The following UBAP1 variants were observed in gnomAD, a reference collection of about 807,000 sequenced individuals.
UBAP1 encodes ubiquitin-associated protein 1.
UBAP1 carries 5 observed loss-of-function variants against 39.0 expected under a neutral mutation model. The observed-to-expected ratio is 0.13, with a 90% confidence interval of 0.07 to 0.27. UBAP1 has a LOEUF of 0.27. Among genes scored for constraint, UBAP1 ranks in the 10% least tolerant of loss-of-function variants. The probability of loss-of-function intolerance (pLI) is 1.00; values close to 1 mark genes in which losing one functional copy is unlikely to be tolerated. For synonymous variants in UBAP1, 211 were observed against 225.1 expected, an observed-to-expected ratio of 0.94 and a Z score of 0.56; for missense variants, 490 against 608.1, an observed-to-expected ratio of 0.81 and a Z score of 2.04.
intron 1 of UBAP1, among the ~76,000 whole-genome samples, chr9:34,203,975 C>T (rs762170957): frequency 6.6e-6 from 1 of 152,204 alleles, no homozygotes; most frequent in Non-Finnish European, 1.5e-5. Flanking sequence ...TTTGCAATTA[C>T]TTATTTCAGG....
Position 34,250,742 on chromosome 9 carries a change from C to G in UBAP1, c.1351C>G (p.Gln451Glu). Reference sequence around the variant, plus strand: ...AGTGGAAGAGGCTCTGGAAATGCACCAGTGTTCAGAAGAAAAGGTGGGAAT... The same window carrying G: ...AGTGGAAGAGGCTCTGGAAATGCACGAGTGTTCAGAAGAAAAGGTGGGAAT... ...LLVEEALEMHQCSEEKMMEFL... is the reference protein window; with the variant it reads ...LLVEEALEMHECSEEKMMEFL... The change falls in exon 6 of 7, where the codon CAG becomes GAG. Residue 451 changes from glutamine (Q) to glutamate (E), a missense_variant. Around this residue, in one of 3 missense-constraint regions of UBAP1, gnomAD observed 339 missense variants for 390.0 expected, o/e 0.87. Coordinates refer to ENST00000297661, the MANE Select transcript of UBAP1 (RefSeq NM_016525.5). 6.2e-7 allele frequency: 1 copy of G among 1,613,326 alleles called. No individual in the cohort carries two copies.
At chr9:34,249,700 A>C (rs1160748404) in intron 4 of UBAP1, 79 bp from the exon 5 acceptor site, 127 of 1,400,542 alleles carry the variant, frequency 9.1e-5, no homozygotes, top group Non-Finnish European at 1.2e-4. Context: ...CAGAAATGCC[A>C]ACCCCTGGAC....
In UBAP1 at chr9:34,179,119, T is replaced by C. The variant is rs1364611134; in HGVS notation, c.-129T>C. ...ACGGCCTGGCCCGGAGCGGGCAGAG[T>C]TGGAGGTGGTGGCGTTCGCTCTCCC... On this transcript the variant is annotated 5_prime_UTR_variant, in exon 1 of 7. Coordinates refer to ENST00000297661, the MANE Select transcript of UBAP1 (RefSeq NM_016525.5). The C allele has an allele frequency of 2.4e-6, 3 of 1,267,628 alleles. No homozygotes were observed. The highest frequency in any genetic ancestry group is 8.0e-5 in the Admixed American group (2 of 25,148). The allele number at this position is 1,267,628 out of a possible 1,614,324, so 78.5% of individuals were successfully genotyped here.
At chr9:34,180,400 C>A (rs889802333) in intron 1 of UBAP1, among the ~76,000 whole-genome samples, 6 of 151,618 alleles carry the variant, frequency 4.0e-5, no homozygotes, top group African/African-American at 1.5e-4. Context: ...CCCAGCTACT[C>A]GGGTGGCCGA....
Position 34,241,205 on chromosome 9 carries a change from G to T in UBAP1, c.180G>T (p.Lys60Asn). The T allele has an allele frequency of 6.8e-7, 1 of 1,466,216 alleles. No homozygotes were observed. The highest frequency in any genetic ancestry group is 1.7e-5 in the South Asian group (1 of 60,082). The allele number at this position is 1,466,216 out of a possible 1,614,324, so 90.8% of individuals were successfully genotyped here. The change falls in exon 4 of 7, where the codon AAG becomes AAT. Residue 60 changes from lysine to asparagine, a missense_variant. By Grantham distance (94) the Lys-to-Asn change is moderately conservative (BLOSUM62 0). This residue lies in a region of UBAP1 where 144 missense variants were observed against 184.4 expected (regional missense o/e 0.78). Coordinates refer to ENST00000297661, the MANE Select transcript of UBAP1 (RefSeq NM_016525.5). ...REVQYDFSLEKKTIEWAEEIK... is the reference protein window; with the variant it reads ...REVQYDFSLENKTIEWAEEIK... ...TGCAGTATGACTTCTCTTTGGAAAA[G>T]AAAACCATTGAGTGGGCTGAAGAGA...
At chr9:34,231,127 ATGTGTGTGTGTGTG>A (rs6150983) in intron 2 of UBAP1, among the ~76,000 whole-genome samples, 6,617 of 137,088 alleles carry the variant, frequency 0.048, 263 homozygotes, top group African/African-American at 0.11. Flanking sequence ...TAAAAAAATT[ATGTGTGTGTGTGTG>A]TGTGTGTGTG....
intron 3 of UBAP1, among the ~76,000 whole-genome samples, chr9:34,234,788 T>C (rs1414378166): frequency 1.3e-5 from 2 of 152,208 alleles, no homozygotes; most frequent in Non-Finnish European, 2.9e-5. Context: ...TACAATTCAG[T>C]ATAGTATGTA....
rs775364956 is a variant in UBAP1, at chr9:34,241,978, C to G, written c.953C>G (p.Thr318Ser). Residue 318 changes from threonine (T) to serine (S), a missense_variant, in exon 4 of 7, where the codon ACT becomes AGT. By Grantham distance (58) the Thr-to-Ser change is moderately conservative. Transcript: ENST00000297661. ...SSASELNGHH[T>S]LGLSALNLDS... Reference sequence around the variant, plus strand: ...GCCAGTGAGCTCAATGGGCATCACACTCTTGGGCTTTCAGCTTTGAACTTG... The same window carrying G: ...GCCAGTGAGCTCAATGGGCATCACAGTCTTGGGCTTTCAGCTTTGAACTTG... 1.9e-6 allele frequency: 3 copies of G among 1,614,066 alleles called. No homozygotes were observed. The highest frequency in any genetic ancestry group is 4.5e-5 in the East Asian group (2 of 44,890).
intron 2 of UBAP1, among the ~76,000 whole-genome samples, chr9:34,232,134 A>G (rs1203971170): frequency 2.6e-5 from 4 of 152,150 alleles, no homozygotes; most frequent in African/African-American, 7.2e-5. Flanking sequence ...AGCTGGGACT[A>G]CAGGCGTGTG....
At chr9:34,229,740 T>G (rs1157545775) in intron 2 of UBAP1, among the ~76,000 whole-genome samples, 2 of 152,176 alleles carry the variant, frequency 1.3e-5, no homozygotes, top group African/African-American at 2.4e-5. Context: ...GGTTTCACCA[T>G]GTTGGCCAGG....
At chr9:34,180,085 A>G (rs1365489165) in intron 1 of UBAP1, among the ~76,000 whole-genome samples, 1 of 152,184 alleles carries the variant, frequency 6.6e-6, no homozygotes, top group Non-Finnish European at 1.5e-5. Context: ...CTCTTCAGTT[A>G]TTAGCATTTG....
At chr9:34,200,010 A>G (rs1041578157) in intron 1 of UBAP1, among the ~76,000 whole-genome samples, 2 of 150,926 alleles carry the variant, frequency 1.3e-5, no homozygotes, top group Admixed American at 1.3e-4. Flanking sequence ...AATTGTGTTT[A>G]GTTGTTATAC....
intron 4 of UBAP1, 113 bp downstream of exon 4, chr9:34,242,221 G>C: frequency 8.6e-7 from 1 of 1,156,648 alleles, no homozygotes; most frequent in Non-Finnish European, 1.2e-6. Context: ...CTGTTGCCCA[G>C]GCTGGAATGC....
At chr9:34,203,704 A>G (rs1831527390) in intron 1 of UBAP1, among the ~76,000 whole-genome samples, 1 of 152,250 alleles carries the variant, frequency 6.6e-6, no homozygotes, top group Admixed American at 6.5e-5. Flanking sequence ...TTATTTTAGC[A>G]TACACATATT....
chr9:34,196,473 G>C (rs989507034), intron 1 of UBAP1, among the ~76,000 whole-genome samples: 1 of 151,556 alleles, frequency 6.6e-6, no homozygotes, highest in Non-Finnish European at 1.5e-5. Flanking sequence ...GCATCACCAC[G>C]CCCGGCTAAT....
At chr9:34,226,700 T>C (rs947906852) in intron 2 of UBAP1, among the ~76,000 whole-genome samples, 2 of 151,860 alleles carry the variant, frequency 1.3e-5, no homozygotes, top group South Asian at 4.2e-4. Flanking sequence ...GTTCCAGATA[T>C]CTCTTAACAC....
intron 1 of UBAP1, among the ~76,000 whole-genome samples, chr9:34,212,809 A>G (rs1482209402): frequency 2.6e-5 from 4 of 152,182 alleles, no homozygotes; most frequent in African/African-American, 4.8e-5. Context: ...TCCTTCTGAC[A>G]CTATTCCACA....
intron 3 of UBAP1, among the ~76,000 whole-genome samples, chr9:34,237,482 G>A (rs17258448): frequency 0.2 from 30,519 of 151,824 alleles, 3,666 homozygotes; most frequent in Non-Finnish European, 0.27. Flanking sequence ...TCATAATGAG[G>A]GAACTTCAGT....
chr9:34,247,497 C>T (rs924082262), intron 4 of UBAP1, among the ~76,000 whole-genome samples: 1 of 151,302 alleles, frequency 6.6e-6, no homozygotes, highest in Non-Finnish European at 1.5e-5. Flanking sequence ...CAATCTTGGC[C>T]CACTGAGACC....
Sources: gnomAD v4.1 joint callset for allele counts (sites outside exome capture counted in the v4.1 genomes callset) on GRCh38, gnomAD v4.1.1 for gene constraint, gnomAD v4.1.1 regional missense constraint, MANE v1.5 for transcripts, NCBI Gene and HGNC (gene_info 2026-07-23, HGNC 2026-07-21) for gene names.